The following PCDH15 variants were observed in gnomAD, a reference collection of about 807,000 sequenced individuals.
PCDH15 encodes the protein protocadherin-15.
Under a neutral mutation model 178.5 loss-of-function variants are expected in PCDH15, and 129 were observed. That is an observed-to-expected ratio of 0.72 (90% CI 0.63 to 0.84). The LOEUF (loss-of-function observed/expected upper bound fraction) is 0.84. PCDH15 is among the 40% of genes least tolerant of loss of function. The probability of loss-of-function intolerance (pLI) is 0.00; values close to 1 mark genes in which losing one functional copy is unlikely to be tolerated. For missense variants in PCDH15, 2,230 were observed against 2,099.9 expected (o/e 1.06, Z -1.21); for synonymous variants, 800 against 732.0 (o/e 1.09, Z -1.50).
chr10:55,617,703 A>G (rs1378016447), intron 2 of PCDH15, among the ~76,000 whole-genome samples: 6 of 152,024 alleles, frequency 3.9e-5, no homozygotes, highest in African/African-American at 1.4e-4. Flanking sequence ...TTTAATTTTT[A>G]TCCTAATTAT....
chr10:54,485,129 A>G (rs1054573344), intron 3 of PCDH15, among the ~76,000 whole-genome samples: 3 of 151,778 alleles, frequency 2.0e-5, no homozygotes, highest in Admixed American at 6.6e-5. Flanking sequence ...TTTTCCTCTC[A>G]TAAATTTTGT....
intron 2 of PCDH15, among the ~76,000 whole-genome samples, chr10:55,107,583 C>G (rs1837386995): frequency 6.8e-6 from 1 of 147,346 alleles, no homozygotes; most frequent in Non-Finnish European, 1.5e-5. Flanking sequence ...CCTCTGCCTC[C>G]TGGGTTCAAG....
At chr10:54,990,425 C>A (rs1222082766) in intron 2 of PCDH15, among the ~76,000 whole-genome samples, 2 of 152,078 alleles carry the variant, frequency 1.3e-5, no homozygotes, top group Non-Finnish European at 2.9e-5. Flanking sequence ...GATTGCTTGA[C>A]ATATGGAATA....
intron 21 of PCDH15, among the ~76,000 whole-genome samples, chr10:53,974,502 A>G (rs1238215360): frequency 6.6e-6 from 1 of 152,132 alleles, no homozygotes; most frequent in Admixed American, 6.5e-5. Context: ...ATAAACTACT[A>G]ACCTGTCATC....
intron 2 of PCDH15, among the ~76,000 whole-genome samples, chr10:55,509,327 A>G (rs948663773): frequency 6.6e-6 from 1 of 151,894 alleles, no homozygotes; most frequent in South Asian, 2.1e-4. Flanking sequence ...CGCTGTTAAA[A>G]ACAATAAACA....
intron 1 of PCDH15, among the ~76,000 whole-genome samples, chr10:55,276,574 A>G (rs1842603037): frequency 6.6e-6 from 1 of 151,726 alleles, no homozygotes; most frequent in African/African-American, 2.4e-5. Context: ...ACCAACAAGT[A>G]TACCTTTTTT....
At chr10:54,864,647 C>T (rs542583634) in intron 3 of PCDH15, 7 of 152,258 alleles carry the variant, frequency 4.6e-5, no homozygotes, top group African/African-American at 1.4e-4. Flanking sequence ...AAGCTGTTGG[C>T]TATGGCTGCA....
At chr10:53,854,910 TG>T (rs1357734404) in intron 28 of PCDH15, among the ~76,000 whole-genome samples, 2 of 152,080 alleles carry the variant, frequency 1.3e-5, no homozygotes, top group African/African-American at 4.8e-5. Context: ...TCCTTCACAA[TG>T]ATACGATTCT....
upstream of PCDH15, among the ~76,000 whole-genome samples, chr10:55,321,857 T>C (rs1305263273): frequency 1.3e-5 from 2 of 152,074 alleles, no homozygotes; most frequent in Admixed American, 6.6e-5. Context: ...TTGAAGGAAG[T>C]TCTAAACATG....
chr10:55,161,295 T>C (rs1440746987), intron 2 of PCDH15, among the ~76,000 whole-genome samples: 2 of 152,152 alleles, frequency 1.3e-5, no homozygotes, highest in Admixed American at 6.6e-5. Flanking sequence ...GATACAATTT[T>C]AGAGAGTTTG....
intron 2 of PCDH15, among the ~76,000 whole-genome samples, chr10:55,520,159 G>A (rs1297976173): frequency 1.5e-4 from 12 of 81,450 alleles, no homozygotes; most frequent in African/African-American, 4.3e-4. Context: ...TACACGCAAT[G>A]TGTATATATA....
chr10:55,486,665 C>A (rs1217694411), intron 2 of PCDH15, among the ~76,000 whole-genome samples: 1 of 151,336 alleles, frequency 6.6e-6, no homozygotes, highest in Non-Finnish European at 1.5e-5. Flanking sequence ...TTTGCTGAAT[C>A]TTTTTTATTT....
At position 53,822,073 on chromosome 10, in the gene PCDH15, G is replaced by A. The variant is rs886047060; in HGVS notation, c.4368-1843C>T. The A allele has an allele frequency of 1.9e-6, 3 of 1,614,066 alleles. No individual in the cohort carries two copies. Among genetic ancestry groups the A allele is most frequent in the Non-Finnish European group, 2.5e-6 (3 of 1,179,960 alleles). The stretch of plus-strand genomic sequence containing the variant: ...TCAAGTTCTGCTAAGTTTTTAACGT[G>A]TCTGAGGATGCCTTTTGGTTCTCTC... On this transcript the variant is annotated intron_variant, in intron 32 of 37. Coordinates refer to ENST00000644397, the MANE Select transcript of PCDH15 (RefSeq NM_001384140.1).
chr10:53,871,147 C>T (rs937807931), intron 26 of PCDH15, among the ~76,000 whole-genome samples: 4 of 148,368 alleles, frequency 2.7e-5, no homozygotes, highest in Non-Finnish European at 4.5e-5. Context: ...TCCTGGCTAA[C>T]GCAGTGAAAC....
At chr10:54,494,346 CT>C (rs1257860501) in intron 3 of PCDH15, among the ~76,000 whole-genome samples, 2 of 152,052 alleles carry the variant, frequency 1.3e-5, no homozygotes, top group African/African-American at 4.8e-5. Context: ...AGATGGATCC[CT>C]TTTTTATCTA....
intron 2 of PCDH15, among the ~76,000 whole-genome samples, chr10:55,434,077 CTTTTTT>C (rs60921527): frequency 1.5e-4 from 14 of 90,826 alleles, no homozygotes; most frequent in Admixed American, 1.3e-3. Context: ...CTTTTCTTTT[CTTTTTT>C]TTTTTTTTTT....
intron 1 of PCDH15, among the ~76,000 whole-genome samples, chr10:55,286,482 G>A (rs1842872655): frequency 6.7e-6 from 1 of 149,772 alleles, no homozygotes; most frequent in Admixed American, 6.7e-5. Context: ...GGTCATATCT[G>A]TAGCTGTAGT....
chr10:55,515,643 G>T (rs911177563), intron 2 of PCDH15, among the ~76,000 whole-genome samples: 1 of 151,844 alleles, frequency 6.6e-6, no homozygotes, highest in Non-Finnish European at 1.5e-5. Flanking sequence ...CCCACATAAA[G>T]AAAAGTTCTT....
intron 8 of PCDH15, among the ~76,000 whole-genome samples, chr10:54,276,802 T>A (rs114598893): frequency 0.01 from 1,570 of 151,826 alleles, 28 homozygotes; most frequent in African/African-American, 0.035. Flanking sequence ...CAACATCAAG[T>A]TGCAGTAGAC....
Sources: allele counts gnomAD v4.1 joint callset (sites outside exome capture counted in the v4.1 genomes callset), GRCh38; gene constraint gnomAD v4.1.1; transcripts MANE v1.5; gene names NCBI Gene and HGNC (gene_info 2026-07-23, HGNC 2026-07-21).